Variants in POR observed in about 807,000 individuals in gnomAD.
POR encodes the protein cytochrome p450 oxidoreductase.
Under a neutral mutation model 84.0 loss-of-function variants are expected in POR, and 56 were observed. The observed-to-expected ratio is 0.67, with a 90% CI of 0.54 to 0.83. The LOEUF is 0.83. Ranked by LOEUF, POR falls within the 40% of genes least tolerant of loss-of-function variation. POR has a pLI of 0.00. For synonymous variants in POR, 414 were observed against 400.5 expected (o/e 1.03, Z -0.40); for missense variants, 938 against 944.3 (o/e 0.99, Z 0.09).
Position 75,981,576 on chromosome 7 carries a change from T to C in POR, c.701T>C (p.Phe234Ser). 5 of 1,613,106 alleles carry C rather than the reference T, an allele frequency of 3.1e-6. No homozygotes were observed. The highest frequency in any genetic ancestry group is 1.1e-5 in the South Asian group (1 of 90,990). Reference sequence around the variant, plus strand: ...TTCTGGCCGGCCGTGTGTGAACACTTTGGGGTGGAAGCCACTGGCGAGGAG... The same window carrying C: ...TTCTGGCCGGCCGTGTGTGAACACTCTGGGGTGGAAGCCACTGGCGAGGAG... The change falls in exon 7 of 16, where the codon TTT (phenylalanine) becomes TCT (serine). Residue 234 changes from phenylalanine to serine, a missense_variant. By Grantham distance (155) the Phe-to-Ser change is radical. Coordinates refer to ENST00000461988, the MANE Select transcript of POR (RefSeq NM_000941.3).
intron 3 of POR, among the ~76,000 whole-genome samples, chr7:75,979,046 C>T (rs59762668): frequency 2.0e-5 from 3 of 152,244 alleles, no homozygotes; most frequent in Non-Finnish European, 4.4e-5. Context: ...ATCTGCCAGC[C>T]TCAGCCTCCC....
intron 3 of POR, chr7:75,972,674 T>C (rs1439055621): frequency 7.8e-6 from 5 of 637,526 alleles, no homozygotes; most frequent in African/African-American, 7.3e-5. Flanking sequence ...CTTGAATCTT[T>C]ACTTTTTGAA....
At chr7:75,950,268 C>T (rs1453375725) in intron 1 of POR, among the ~76,000 whole-genome samples, 1 of 152,146 alleles carries the variant, frequency 6.6e-6, no homozygotes, top group Non-Finnish European at 1.5e-5. Flanking sequence ...GCAGATGTAC[C>T]GCTAACCTCA....
At chr7:75,925,309 A>G (rs1340752753) in intron 1 of POR, among the ~76,000 whole-genome samples, 3 of 152,004 alleles carry the variant, frequency 2.0e-5, no homozygotes, top group Admixed American at 1.3e-4. Context: ...GGAGTTTGAG[A>G]CCAGCCTGGG....
At chr7:75,943,905 C>A (rs782663745) in intron 1 of POR, 1 of 470,956 alleles carries the variant, frequency 2.1e-6, no homozygotes, top group Non-Finnish European at 4.1e-6. Context: ...TTATTTCATA[C>A]CTGCAACATC....
chr7:75,966,039 G>A (rs1464658134), intron 2 of POR, among the ~76,000 whole-genome samples: 3 of 152,148 alleles, frequency 2.0e-5, no homozygotes, highest in African/African-American at 4.8e-5. Flanking sequence ...TTGAATTACC[G>A]CTTCACCCAC....
intron 2 of POR, among the ~76,000 whole-genome samples, chr7:75,955,553 T>C (rs1262042032): frequency 6.6e-6 from 1 of 152,222 alleles, no homozygotes; most frequent in Non-Finnish European, 1.5e-5. Context: ...AGGTCAGGTC[T>C]GAGCCGAGGG....
At chr7:75,957,468 C>G (rs1585108480) in intron 2 of POR, among the ~76,000 whole-genome samples, 1 of 152,086 alleles carries the variant, frequency 6.6e-6, no homozygotes, top group African/African-American at 2.4e-5. Flanking sequence ...TGAACTGGCC[C>G]TTGTTCCCTC....
intron 2 of POR, among the ~76,000 whole-genome samples, chr7:75,970,644 G>C (rs1209091950): frequency 6.6e-6 from 1 of 151,492 alleles, no homozygotes; most frequent in Non-Finnish European, 1.5e-5. Context: ...ACTGAGCTAG[G>C]TTCTTGGATA....
intron 4 of POR, 150 bp from the exon 5 acceptor site, chr7:75,980,189 G>A (rs1191888313): frequency 1.6e-5 from 15 of 919,358 alleles, no homozygotes; most frequent in South Asian, 8.7e-5. Context: ...CAGCCCCTCC[G>A]TGTTGTTACT....
chr7:75,978,788 T>C (rs1258741079), intron 3 of POR, among the ~76,000 whole-genome samples: 1 of 152,056 alleles, frequency 6.6e-6, no homozygotes, highest in Non-Finnish European at 1.5e-5. Flanking sequence ...CCTCCCAAAG[T>C]GCTGGGATTA....
chr7:75,919,873 G>T (rs1366668021), intron 1 of POR, among the ~76,000 whole-genome samples: 1 of 151,904 alleles, frequency 6.6e-6, no homozygotes, highest in African/African-American at 2.4e-5. Flanking sequence ...TCTAAGAATT[G>T]TCCTTTCATT....
intron 3 of POR, among the ~76,000 whole-genome samples, chr7:75,973,426 A>G (rs1482225892): frequency 6.7e-6 from 1 of 149,796 alleles, no homozygotes; most frequent in African/African-American, 2.5e-5. Flanking sequence ...CCATCCTCCT[A>G]CCACAGCCTC....
chr7:75,942,693 GT>G (rs1258474494), intron 1 of POR, among the ~76,000 whole-genome samples: 1 of 151,802 alleles, frequency 6.6e-6, no homozygotes, highest in Non-Finnish European at 1.5e-5. Flanking sequence ...TCAAAAAAAT[GT>G]GCAAAGGTTT....
Position 75,985,726 on chromosome 7 carries a change from G to A in POR, c.1546G>A (p.Val516Met), listed in dbSNP as rs1348920221. ...CGGCCGTGCGCTGGTGCCCATGTTC[G>A]TGCGCAAGTCCCAGTTCCGCCTGCC... is the stretch of plus-strand genomic sequence containing the variant. The change falls in exon 13 of 16, where the codon GTG (valine) becomes ATG (methionine). Residue 516 changes from valine to methionine, a missense_variant. By Grantham distance (21) the Val-to-Met change is conservative. Transcript: ENST00000461988. 1.3e-5 allele frequency: 20 copies of A among 1,588,788 alleles called. No individual in the cohort carries two copies. The East Asian group carries it at 2.1e-4, about 16-fold the overall frequency.
chr7:75,934,584 A>G (rs1327266710), intron 1 of POR, among the ~76,000 whole-genome samples: 1 of 152,194 alleles, frequency 6.6e-6, no homozygotes, highest in Non-Finnish European at 1.5e-5. Context: ...GTGGGGAAAA[A>G]AAGGCCTTGA....
At chr7:75,972,680 T>A (rs1554556377) in intron 3 of POR, 1 of 627,518 alleles carries the variant, frequency 1.6e-6, no homozygotes, top group East Asian at 2.8e-5. Context: ...TCTTTACTTT[T>A]TGAACAAACC....
At chr7:75,972,333 TC>T (rs782145083) in intron 2 of POR, 79 bp from the exon 3 acceptor site, 1 of 1,304,310 alleles carries the variant, frequency 7.7e-7, no homozygotes. Context: ...GAAACCTGCA[TC>T]TAAGGACACC....
At chr7:75,920,056 C>CT (rs71519397) in intron 1 of POR, among the ~76,000 whole-genome samples, 11,353 of 76,642 alleles carry the variant, frequency 0.15, 3,385 homozygotes, top group African/African-American at 0.39. Flanking sequence ...AGTTGAATTT[C>CT]TTTTTTTTTT....
Sources: gnomAD v4.1 joint callset for allele counts (sites outside exome capture counted in the v4.1 genomes callset) on GRCh38, gnomAD v4.1.1 for gene constraint, MANE v1.5 for transcripts, NCBI Gene and HGNC (gene_info 2026-07-23, HGNC 2026-07-21) for gene names.